The following PHF24 variants were observed in gnomAD, a reference collection of about 807,000 sequenced individuals.
The protein encoded by PHF24 is PHD finger protein 24.
Under a neutral mutation model 42.6 loss-of-function variants are expected in PHF24, and 25 were observed. That is an observed-to-expected ratio of 0.59 (90% CI 0.43 to 0.82). PHF24 has a LOEUF of 0.82. Among genes scored for constraint, PHF24 ranks in the 40% least tolerant of loss-of-function variants. PHF24 has a pLI of 0.00. For missense variants in PHF24, 470 were observed against 538.1 expected (o/e 0.87, Z 1.25); for synonymous variants, 185 against 204.8 (o/e 0.90, Z 0.83).
the PHF24 span, among the ~76,000 whole-genome samples, chr9:34,770,292 C>G: frequency 2.0e-5 from 3 of 152,042 alleles, no homozygotes; most frequent in Non-Finnish European, 4.4e-5. Context: ...GATGGTCAAA[C>G]TTATAAGATA....
At chr9:34,947,847 A>G in the PHF24 span, among the ~76,000 whole-genome samples, 1 of 152,154 alleles carries the variant, frequency 6.6e-6, no homozygotes, top group Non-Finnish European at 1.5e-5. Context: ...GGTGGCTCAC[A>G]CCTGTAATCC....
chr9:34,885,801 T>C, the PHF24 span, among the ~76,000 whole-genome samples: 10 of 146,494 alleles, frequency 6.8e-5, no homozygotes, highest in Non-Finnish European at 1.3e-4. Flanking sequence ...TGCACAGATA[T>C]CAGCAGCAGG....
the PHF24 span, among the ~76,000 whole-genome samples, chr9:34,704,656 G>A: frequency 6.6e-6 from 1 of 152,134 alleles, no homozygotes; most frequent in East Asian, 1.9e-4. Context: ...GCAACATAGT[G>A]AGACCTCGTC....
the PHF24 span, chr9:34,723,620 G>A: frequency 2.6e-6 from 4 of 1,551,768 alleles, no homozygotes; most frequent in South Asian, 4.8e-5. Context: ...GCTAGACTCT[G>A]TAAGGCTGGG....
chr9:34,960,853 C>T (rs752607806), intron 1 of PHF24, among the ~76,000 whole-genome samples: 58 of 152,254 alleles, frequency 3.8e-4, no homozygotes, highest in Non-Finnish European at 7.2e-4. Flanking sequence ...AGAATGTGCA[C>T]GAAAGATGTC....
the PHF24 span, among the ~76,000 whole-genome samples, chr9:34,845,017 A>G: frequency 1.1e-4 from 17 of 152,122 alleles, no homozygotes; most frequent in African/African-American, 3.4e-4. Context: ...TTGGGTGCAT[A>G]TATGCTATAT....
the PHF24 span, among the ~76,000 whole-genome samples, chr9:34,688,575 CCTT>C: frequency 1.3e-5 from 2 of 152,170 alleles, no homozygotes; most frequent in Non-Finnish European, 2.9e-5. Context: ...CCTGGCTACT[CCTT>C]CTTCCACCCC....
the PHF24 span, among the ~76,000 whole-genome samples, chr9:34,778,959 G>A: frequency 0.019 from 2,943 of 151,808 alleles, 104 homozygotes; most frequent in African/African-American, 0.066. Context: ...AATATCAGAA[G>A]GAAATTTGGA....
At chr9:34,715,745 T>C in the PHF24 span, among the ~76,000 whole-genome samples, 2 of 152,154 alleles carry the variant, frequency 1.3e-5, no homozygotes, top group Admixed American at 1.3e-4. Context: ...ACTGAGATCC[T>C]GGGAGGGGGA....
intron 5 of PHF24, 27 bp from the exon 6 acceptor site, chr9:34,977,056 T>C: frequency 6.4e-7 from 1 of 1,564,108 alleles, no homozygotes; most frequent in Non-Finnish European, 8.7e-7. Flanking sequence ...TATCTTCACC[T>C]CTAAGATCTT....
intron 5 of PHF24, 144 bp from the exon 6 acceptor site, chr9:34,976,939 C>T (rs958702471): frequency 2.6e-5 from 26 of 995,750 alleles, no homozygotes; most frequent in African/African-American, 2.1e-4. Flanking sequence ...TGCCCTGGGC[C>T]GCACTGGAAG....
the PHF24 span, among the ~76,000 whole-genome samples, chr9:34,860,358 A>G: frequency 2.6e-5 from 4 of 152,180 alleles, no homozygotes; most frequent in African/African-American, 4.8e-5. Flanking sequence ...TTGTTTTCCC[A>G]TAGTTCTGGC....
chr9:34,757,075 T>C, the PHF24 span, among the ~76,000 whole-genome samples: 1 of 152,088 alleles, frequency 6.6e-6, no homozygotes, highest in Non-Finnish European at 1.5e-5. Flanking sequence ...TAGGCACTTT[T>C]TGTATTTTTA....
the PHF24 span, among the ~76,000 whole-genome samples, chr9:34,952,586 G>A: frequency 6.6e-6 from 1 of 152,030 alleles, no homozygotes; most frequent in Non-Finnish European, 1.5e-5. Flanking sequence ...GAACAAAGAG[G>A]ACTCACACTA....
At chr9:34,688,997 C>CAGGGAAG in the PHF24 span, among the ~76,000 whole-genome samples, 1 of 152,168 alleles carries the variant, frequency 6.6e-6, no homozygotes, top group Non-Finnish European at 1.5e-5. Context: ...AGCCTGGGGT[C>CAGGGAAG]AGGGAAGGCT....
At chr9:34,665,774 T>G in the PHF24 span, 1 of 658,968 alleles carries the variant, frequency 1.5e-6, no homozygotes, top group South Asian at 1.6e-5. Context: ...TCAGGTAATC[T>G]GAGGCTGATG....
At chr9:34,912,205 G>A in the PHF24 span, among the ~76,000 whole-genome samples, 2 of 152,146 alleles carry the variant, frequency 1.3e-5, no homozygotes, top group East Asian at 3.9e-4. Flanking sequence ...AGGAACTGGG[G>A]GAAAAAATGC....
the PHF24 span, among the ~76,000 whole-genome samples, chr9:34,909,212 C>T: frequency 6.6e-6 from 1 of 152,150 alleles, no homozygotes; most frequent in Non-Finnish European, 1.5e-5. Context: ...AACTCTCAGG[C>T]TCAAGCTTCC....
At chr9:34,715,395 C>A in the PHF24 span, among the ~76,000 whole-genome samples, 1 of 152,068 alleles carries the variant, frequency 6.6e-6, no homozygotes, top group Admixed American at 6.5e-5. Flanking sequence ...TTTATTGTAC[C>A]CCACAGCCCC....
Sources: allele counts gnomAD v4.1 joint callset (sites outside exome capture counted in the v4.1 genomes callset), GRCh38; gene constraint gnomAD v4.1.1; transcripts MANE v1.5; gene names NCBI Gene and HGNC (gene_info 2026-07-23, HGNC 2026-07-21).